Variants in CALB2 observed in about 807,000 individuals in gnomAD.
CALB2 encodes calretinin.
Under a neutral mutation model 45.9 loss-of-function variants are expected in CALB2, and 34 were observed. The ratio of observed to expected loss-of-function variants is 0.74; its 90% CI spans 0.56 to 0.99. The LOEUF (loss-of-function observed/expected upper bound fraction) is 0.99, where lower values mean the gene tolerates loss of function less well. CALB2 is among the 50% of genes least tolerant of loss of function. CALB2 has a pLI of 0.00. For missense variants in CALB2, 344 were observed against 339.3 expected, an observed-to-expected ratio of 1.01 and a Z score of -0.11; for synonymous variants, 142 against 129.6, an observed-to-expected ratio of 1.10 and a Z score of -0.65.
chr16:71,366,577 T>G (rs1266699536), intron 1 of CALB2, among the ~76,000 whole-genome samples: 1 of 133,982 alleles, frequency 7.5e-6, no homozygotes, highest in African/African-American at 2.8e-5. Context: ...GCAGTCCACC[T>G]ACCTCAGCCT....
At chr16:71,375,876 G>T (rs912832766) in intron 3 of CALB2, among the ~76,000 whole-genome samples, 1 of 152,204 alleles carries the variant, frequency 6.6e-6, no homozygotes, top group Non-Finnish European at 1.5e-5. Context: ...GATGCAGGCT[G>T]CCCCTCTTTG....
chr16:71,389,757 T>C lies in CALB2; in HGVS notation c.708T>C (p.Asn236=), dbSNP rs1567546836. The C allele has an allele frequency of 1.9e-6, 3 of 1,613,410 alleles. No homozygotes were observed. Among genetic ancestry groups the C allele is most frequent in the Middle Eastern group, 1.6e-4 (1 of 6,062 alleles). The change falls in exon 11 of 11, where the codon AAT becomes AAC. Residue 236 remains asparagine, a synonymous_variant. Transcript: ENST00000302628. ...CTCCCTGTATTTCCTAGGAAATGAA[T>C]ATTCAACAGCTCACCAACTACAGAA... ...DLYEKNKKEM[N]IQQLTNYRKS...
intron 2 of CALB2, among the ~76,000 whole-genome samples, chr16:71,373,827 T>C (rs909884357): frequency 1.2e-4 from 19 of 152,374 alleles, no homozygotes; most frequent in African/African-American, 4.3e-4. Flanking sequence ...TATGTACCTT[T>C]GTAAATATAA....
intron 5 of CALB2, 126 bp downstream of exon 5, chr16:71,382,901 C>G: frequency 1.2e-6 from 1 of 809,384 alleles, no homozygotes; most frequent in Non-Finnish European, 2.0e-6. Context: ...AGACCTGGCA[C>G]TGAATTGTTG....
intron 4 of CALB2, among the ~76,000 whole-genome samples, 167 bp from the exon 5 acceptor site, chr16:71,382,552 C>A (rs904832202): frequency 2.0e-5 from 3 of 152,236 alleles, no homozygotes; most frequent in African/African-American, 7.2e-5. Context: ...CCTTCATTTC[C>A]TTCTCTGTGA....
In CALB2 at chr16:71,383,404, C is replaced by G. The variant is rs138229238; in HGVS notation, c.437C>G (p.Pro146Arg). Reference protein sequence around the residue: ...LSDLLKKANRPYDEPKLQEYT... With the variant: ...LSDLLKKANRRYDEPKLQEYT... ...GACCTGCTGAAGAAGGCGAACCGGC[C>G]GTACGATGAGCCCAAGCTCCAGGAA... is the stretch of plus-strand genomic sequence containing the variant. Residue 146 changes from proline (P) to arginine (R), a missense_variant, in exon 6 of 11, where the codon CCG (proline) becomes CGG (arginine). Physicochemically the swap from Pro to Arg is moderately radical, Grantham distance 103. This residue lies in a region of CALB2 where 263 missense variants were observed against 241.7 expected (regional missense o/e 1.09). Coordinates refer to ENST00000302628, the MANE Select transcript of CALB2 (RefSeq NM_001740.5). The G allele has an allele frequency of 5.5e-5, 89 of 1,613,968 alleles. No individual in the cohort carries two copies. The highest frequency in any genetic ancestry group is 7.4e-5 in the Non-Finnish European group (87 of 1,180,002).
intron 1 of CALB2, 54 bp from the exon 2 acceptor site, chr16:71,372,099 G>A (rs569117221): frequency 1.4e-4 from 165 of 1,196,914 alleles, no homozygotes; most frequent in Admixed American, 9.2e-4. Context: ...TGCCCACCCC[G>A]TGCCCCCCTT....
In CALB2 at chr16:71,385,586, G is replaced by A. The variant is rs371961656; in HGVS notation, c.637G>A (p.Gly213Ser). ...CTGCTCCCATCCCCAGGATAGAAGCGGCTACATTGACGAGCATGAGCTGGA... is the reference window on the plus strand; with the variant it reads ...CTGCTCCCATCCCCAGGATAGAAGCAGCTACATTGACGAGCATGAGCTGGA... ...IFTFYDKDRS[G>S]YIDEHELDAL... The change falls in exon 10 of 11, where the codon GGC (glycine) becomes AGC (serine). Residue 213 changes from glycine (G) to serine (S), a missense_variant. Gly to Ser is a moderately conservative substitution (Grantham distance 56). This residue lies in a region of CALB2 where 263 missense variants were observed against 241.7 expected (regional missense o/e 1.09). Coordinates refer to ENST00000302628, the MANE Select transcript of CALB2 (RefSeq NM_001740.5). 10 of 1,614,028 alleles carry A rather than the reference G, an allele frequency of 6.2e-6. No individual in the cohort carries two copies. The highest frequency in any genetic ancestry group is 1.7e-5 in the Admixed American group (1 of 60,016).
chr16:71,384,515 ACAC>A (rs889641286), intron 8 of CALB2, 137 bp downstream of exon 8: 51 of 737,454 alleles, frequency 6.9e-5, no homozygotes, highest in Middle Eastern at 2.4e-4. Context: ...CACACCACAC[ACAC>A]AACACACACA....
chr16:71,389,447 C>T lies in CALB2; in HGVS notation c.700-302C>T, dbSNP rs1356335334. The T allele has an allele frequency of 4.4e-5, 23 of 524,778 alleles. 1 individual carries two copies. The highest frequency in any genetic ancestry group is 7.5e-5 in the South Asian group (5 of 66,336). The allele number at this position is 524,778 out of a possible 1,614,324, so 32.5% of individuals were successfully genotyped here. A position where few individuals can be genotyped will look rare whatever the true frequency, so the allele number is the denominator to read the frequency against. ...GATGTGGCTTATATTCATTCCCTCA[C>T]GTAATCATCGCAACACCTCCATGAG... On this transcript the variant is annotated intron_variant, in intron 10 of 10. Transcript: ENST00000302628.
intron 1 of CALB2, among the ~76,000 whole-genome samples, chr16:71,365,670 A>C (rs1406572333): frequency 2.6e-5 from 4 of 152,142 alleles, no homozygotes; most frequent in African/African-American, 9.7e-5. Context: ...AGGTAGTTCC[A>C]ATGCTACTGG....
In CALB2 at chr16:71,376,291, G is replaced by A. The variant is rs373162999; in HGVS notation, c.262-1376G>A. ...CTCCTGAGCCATACTTGGCCTGAGG[G>A]CCATAGCTTACCATGAGAGGCTTCT... On this transcript the variant is annotated intron_variant, in intron 3 of 10. Coordinates refer to ENST00000302628, the MANE Select transcript of CALB2 (RefSeq NM_001740.5). Among the ~76,000 whole-genome samples the A allele has an allele frequency of 9.9e-5, 15 of 152,272 alleles. No homozygotes were observed. The South Asian group carries it at 2.9e-3, about 29-fold the overall frequency.
chr16:71,385,947 C>T (rs936426552), intron 10 of CALB2, among the ~76,000 whole-genome samples: 2 of 152,144 alleles, frequency 1.3e-5, no homozygotes, highest in African/African-American at 2.4e-5. Context: ...ATTGCACATG[C>T]GTGGCCACCT....
intron 2 of CALB2, among the ~76,000 whole-genome samples, chr16:71,374,090 A>C (rs1385355212): frequency 6.6e-6 from 1 of 152,200 alleles, no homozygotes; most frequent in Non-Finnish European, 1.5e-5. Context: ...ATCTCAAATC[A>C]GGGGAAGGTT....
intron 2 of CALB2, among the ~76,000 whole-genome samples, chr16:71,372,470 G>A (rs1435764448): frequency 6.6e-6 from 1 of 152,182 alleles, no homozygotes; most frequent in Non-Finnish European, 1.5e-5. Flanking sequence ...CTCCTGCAAA[G>A]CTGCAAAGCT....
intron 10 of CALB2, among the ~76,000 whole-genome samples, chr16:71,385,948 G>A (rs567145847): frequency 2.6e-5 from 4 of 152,178 alleles, no homozygotes; most frequent in Admixed American, 2.6e-4. Flanking sequence ...TTGCACATGC[G>A]TGGCCACCTT....
intron 4 of CALB2, among the ~76,000 whole-genome samples, chr16:71,381,449 T>G (rs1333311017): frequency 6.6e-6 from 1 of 151,554 alleles, no homozygotes; most frequent in African/African-American, 2.4e-5. Flanking sequence ...TTCTGAGCCC[T>G]GTCACCATGA....
At chr16:71,383,849 G>A in intron 6 of CALB2, 121 bp from the exon 7 acceptor site, 2 of 1,151,558 alleles carry the variant, frequency 1.7e-6, no homozygotes, top group Non-Finnish European at 2.6e-6. Context: ...GGCCCCTACG[G>A]ACCTCAGAGG....
At chr16:71,380,137 G>A (rs113535835) in intron 4 of CALB2, among the ~76,000 whole-genome samples, 4 of 151,892 alleles carry the variant, frequency 2.6e-5, no homozygotes, top group African/African-American at 9.7e-5. Context: ...CTGGAAACAG[G>A]GATGGTGGCA....
Sources: allele counts gnomAD v4.1 joint callset (sites outside exome capture counted in the v4.1 genomes callset), GRCh38; gene constraint gnomAD v4.1.1; regional missense constraint gnomAD v4.1.1; transcripts MANE v1.5; gene names NCBI Gene and HGNC (gene_info 2026-07-23, HGNC 2026-07-21).